Variants in KIFAP3 observed in about 807,000 individuals in gnomAD.
KIFAP3 encodes the protein kinesin associated protein 3, also known as kinesin-associated protein 3.
Under a neutral mutation model 106.5 loss-of-function variants are expected in KIFAP3, and 68 were observed. The ratio of observed to expected loss-of-function variants is 0.64; its 90% CI spans 0.53 to 0.78. KIFAP3 has a LOEUF of 0.78. Ranked by LOEUF, KIFAP3 falls within the 30% of genes least tolerant of loss-of-function variation. KIFAP3 has a pLI of 0.00. For missense variants in KIFAP3, 780 were observed against 941.8 expected, an observed-to-expected ratio of 0.83 and a Z score of 2.25; for synonymous variants, 320 against 311.5, an observed-to-expected ratio of 1.03 and a Z score of -0.29.
Position 169,954,056 on chromosome 1 carries a change from T to C in KIFAP3, c.2228A>G (p.His743Arg). ...CCCAACAACATCTCCATTTTGAAGG[T>C]GGTAATCATTGAAGAAATCGGGACT... Reference protein sequence around the residue: ...AISPDFFNDYHLQNGDVVGQH... With the variant: ...AISPDFFNDYRLQNGDVVGQH... The change falls in exon 19 of 20, where the codon CAC becomes CGC. Residue 743 changes from histidine (H) to arginine (R), a missense_variant. His to Arg is a conservative substitution (Grantham distance 29). This residue lies in a region of KIFAP3 where 114 missense variants were observed against 122.3 expected (regional missense o/e 0.93). Transcript: ENST00000361580. The C allele has an allele frequency of 6.2e-7, 1 of 1,613,672 alleles. No individual in the cohort carries two copies. Among genetic ancestry groups the C allele is most frequent in the Non-Finnish European group, 8.5e-7 (1 of 1,179,802 alleles).
intron 9 of KIFAP3, among the ~76,000 whole-genome samples, chr1:170,021,718 A>T (rs1347846678): frequency 6.6e-6 from 1 of 151,476 alleles, no homozygotes; most frequent in Non-Finnish European, 1.5e-5. Context: ...GGAATTACAG[A>T]TGTGAGCCAC....
intron 9 of KIFAP3, among the ~76,000 whole-genome samples, chr1:170,018,261 T>G (rs12145295): frequency 0.063 from 9,582 of 152,256 alleles, 385 homozygotes; most frequent in Non-Finnish European, 0.095. Context: ...GAGTTAGTAG[T>G]TGCAAGACAG....
chr1:169,935,998 A>G (rs912076909), intron 19 of KIFAP3, among the ~76,000 whole-genome samples: 2 of 151,976 alleles, frequency 1.3e-5, no homozygotes, highest in Non-Finnish European at 2.9e-5. Flanking sequence ...GGTAAATTCT[A>G]TAAGATTATA....
intron 19 of KIFAP3, among the ~76,000 whole-genome samples, chr1:169,934,706 G>T (rs1452640191): frequency 1.3e-5 from 2 of 152,122 alleles, no homozygotes; most frequent in East Asian, 3.8e-4. Context: ...TCTTTAAGGA[G>T]ATGGAATGCA....
intron 2 of KIFAP3, among the ~76,000 whole-genome samples, chr1:170,054,685 C>A (rs763478480): frequency 7.2e-5 from 11 of 152,066 alleles, no homozygotes; most frequent in Admixed American, 1.3e-4. Flanking sequence ...TAGAAGCCAT[C>A]ATTCTCAACA....
At chr1:170,055,982 A>T (rs1219726108) in intron 1 of KIFAP3, among the ~76,000 whole-genome samples, 1 of 152,060 alleles carries the variant, frequency 6.6e-6, no homozygotes. Context: ...AAATTTAAAA[A>T]CTAGCCGGGC....
chr1:169,927,071 T>C (rs779825321), intron 19 of KIFAP3, among the ~76,000 whole-genome samples: 7 of 152,188 alleles, frequency 4.6e-5, no homozygotes, highest in Non-Finnish European at 7.4e-5. Flanking sequence ...TCTAAGTAGA[T>C]TGTTAATTGA....
intron 9 of KIFAP3, among the ~76,000 whole-genome samples, chr1:170,018,148 A>G (rs1571673946): frequency 6.6e-6 from 1 of 152,216 alleles, no homozygotes; most frequent in African/African-American, 2.4e-5. Flanking sequence ...TACAATAATC[A>G]TATGAAATTC....
intron 19 of KIFAP3, among the ~76,000 whole-genome samples, chr1:169,929,647 TTTATTC>T (rs1380216018): frequency 6.6e-6 from 1 of 152,134 alleles, no homozygotes; most frequent in Non-Finnish European, 1.5e-5. Context: ...CCCATTTAGT[TTTATTC>T]TTAATCTTTT....
intron 8 of KIFAP3, among the ~76,000 whole-genome samples, chr1:170,030,817 A>G (rs563460610): frequency 3.5e-4 from 53 of 151,958 alleles, no homozygotes; most frequent in African/African-American, 1.3e-3. Flanking sequence ...AAAGGGAGAG[A>G]TTGTAAAGAT....
At chr1:170,019,823 G>A (rs1668716185) in intron 9 of KIFAP3, among the ~76,000 whole-genome samples, 1 of 152,126 alleles carries the variant, frequency 6.6e-6, no homozygotes, top group Non-Finnish European at 1.5e-5. Flanking sequence ...TCATACTAGA[G>A]GGCATACCCA....
At chr1:170,055,574 G>A (rs1670802325) in intron 1 of KIFAP3, 138 bp from the exon 2 acceptor site, 3 of 557,898 alleles carry the variant, frequency 5.4e-6, no homozygotes, top group Non-Finnish European at 9.1e-6. Context: ...TGGGATTAGA[G>A]ATAACTCTTT....
At chr1:170,071,394 A>C (rs1232549571) in intron 1 of KIFAP3, among the ~76,000 whole-genome samples, 2 of 152,234 alleles carry the variant, frequency 1.3e-5, no homozygotes, top group African/African-American at 4.8e-5. Flanking sequence ...AAAATGGAAT[A>C]CTGAATTAGT....
chr1:169,967,521 G>A (rs181856078), intron 17 of KIFAP3, among the ~76,000 whole-genome samples: 36 of 151,822 alleles, frequency 2.4e-4, no homozygotes, highest in Admixed American at 9.9e-4. Context: ...AAGAACATTG[G>A]ATTAGGAGTC....
intron 16 of KIFAP3, among the ~76,000 whole-genome samples, chr1:169,973,906 A>T (rs1666079016): frequency 6.6e-6 from 1 of 151,932 alleles, no homozygotes; most frequent in Non-Finnish European, 1.5e-5. Context: ...ATTGGTCAAC[A>T]TACTGTAAAC....
intron 7 of KIFAP3, 23 bp downstream of exon 7, chr1:170,034,349 C>A: frequency 6.3e-7 from 1 of 1,595,764 alleles, no homozygotes; most frequent in South Asian, 1.2e-5. Context: ...ACAGACGGTT[C>A]AAATGCCACT....
rs2101890239 is a variant in KIFAP3, at chr1:169,972,610, TG to T, written c.1898-13del. ...ATATGCTGGAGCCTCTGAATAAAAATGGTTAAAGAAACAAACTACATTTGAT... is the reference window on the plus strand; with the variant it reads ...ATATGCTGGAGCCTCTGAATAAAAATGTTAAAGAAACAAACTACATTTGAT... On this transcript the variant is annotated splice_polypyrimidine_tract_variant and intron_variant, in intron 16 of 19. Transcript: ENST00000361580. The T allele has an allele frequency of 7.2e-7, 1 of 1,383,902 alleles. No individual in the cohort carries two copies. Among genetic ancestry groups the T allele is most frequent in the Non-Finnish European group, 1.0e-6 (1 of 985,942 alleles). 85.7% of individuals were successfully genotyped at this position (1,383,902 alleles called of 1,614,324 possible).
chr1:170,074,295 C>T, intron 1 of KIFAP3, 141 bp downstream of exon 1: 1 of 1,004,778 alleles, frequency 1.0e-6, no homozygotes, highest in Non-Finnish European at 1.5e-6. Context: ...TCACCTTTTC[C>T]CTCTCCTTTC....
intron 2 of KIFAP3, among the ~76,000 whole-genome samples, chr1:170,050,131 G>A (rs371662013): frequency 1.3e-5 from 2 of 152,206 alleles, no homozygotes; most frequent in East Asian, 3.9e-4. Context: ...AGAATAACCA[G>A]TTTAGAGAGA....
Sources: gnomAD v4.1 joint callset for allele counts (sites outside exome capture counted in the v4.1 genomes callset) on GRCh38, gnomAD v4.1.1 for gene constraint, gnomAD v4.1.1 regional missense constraint, MANE v1.5 for transcripts, NCBI Gene and HGNC (gene_info 2026-07-23, HGNC 2026-07-21) for gene names.